The following SPART variants were observed in gnomAD, a reference collection of about 807,000 sequenced individuals.
SPART encodes the protein spastic paraplegia 20 (Troyer syndrome).
Under a neutral mutation model 58.7 loss-of-function variants are expected in SPART, and 35 were observed. The ratio of observed to expected loss-of-function variants is 0.60; its 90% CI spans 0.46 to 0.79. The LOEUF (loss-of-function observed/expected upper bound fraction) is 0.79. SPART is among the 30% of genes least tolerant of loss of function. The pLI, the probability that SPART is intolerant of heterozygous loss-of-function variation, is 0.00. For synonymous variants in SPART, 284 were observed against 280.7 expected (o/e 1.01, Z -0.12); for missense variants, 730 against 786.1 (o/e 0.93, Z 0.85).
At position 36,312,229 on chromosome 13, in the gene SPART, G is replaced by A. The variant is rs773286927; in HGVS notation, c.1649C>T (p.Ser550Leu). Residue 550 changes from serine (S) to leucine (L), a missense_variant, in exon 8 of 9, where the codon TCA (serine) becomes TTA (leucine). Ser to Leu is a moderately radical substitution (Grantham distance 145). Coordinates refer to ENST00000438666, the MANE Select transcript of SPART (RefSeq NM_015087.5). Reference protein sequence around the residue: ...VVAASSVQGFSTVWQGLECAA... With the variant: ...VVAASSVQGFLTVWQGLECAA... ...ACATTCCAATCCTTGCCAGACAGTTGAAAATCCTGTAAAAATAATATTTAA... is the reference window on the plus strand; with the variant it reads ...ACATTCCAATCCTTGCCAGACAGTTAAAAATCCTGTAAAAATAATATTTAA... 1 of 1,614,094 alleles carries A rather than the reference G, an allele frequency of 6.2e-7. No homozygotes were observed. The highest frequency in any genetic ancestry group is 8.5e-7 in the Non-Finnish European group (1 of 1,179,960).
chr13:36,318,899 C>T (rs561675081), intron 5 of SPART, among the ~76,000 whole-genome samples: 5 of 152,248 alleles, frequency 3.3e-5, no homozygotes, highest in Admixed American at 6.5e-5. Context: ...CAGATCTTCT[C>T]GGCTTAGCGG....
chr13:36,363,807 T>C (rs2137727717), intron 1 of SPART, among the ~76,000 whole-genome samples: 1 of 152,234 alleles, frequency 6.6e-6, no homozygotes, highest in South Asian at 2.1e-4. Flanking sequence ...ACTTTTTATT[T>C]TGAGACAAAT....
Position 36,320,514 on chromosome 13 carries a change from C to T in SPART, c.1288+6061G>A, listed in dbSNP as rs532924089. Among the ~76,000 whole-genome samples the T allele has an allele frequency of 7.9e-5, 12 of 152,322 alleles. No homozygotes were observed. The East Asian group carries it at 2.1e-3, about 27-fold the overall frequency. Reference sequence around the variant, plus strand: ...CAAGCCACTAGCCTGCCTCTTAGAACCTCTCATTTCCTTTCCATCGTGGAA... The same window carrying T: ...CAAGCCACTAGCCTGCCTCTTAGAATCTCTCATTTCCTTTCCATCGTGGAA... On this transcript the variant is annotated intron_variant, in intron 5 of 8. Transcript: ENST00000438666.
intron 8 of SPART, among the ~76,000 whole-genome samples, chr13:36,305,576 G>A (rs1182979929): frequency 1.3e-5 from 2 of 151,980 alleles, no homozygotes; most frequent in African/African-American, 4.8e-5. Flanking sequence ...AGTTTTTTGA[G>A]CATCAAATGC....
chr13:36,331,520 G>C lies in SPART; in HGVS notation c.887C>G (p.Pro296Arg). Reference sequence around the variant, plus strand: ...TCCTGCTGCTTGTAGCATTGTATCAGGAAACATGTAGGCTCCCGCAGTACA... The same window carrying C: ...TCCTGCTGCTTGTAGCATTGTATCACGAAACATGTAGGCTCCCGCAGTACA... ...LKCTAGAYMF[P>R]DTMLQAAGCF... Residue 296 changes from proline to arginine, a missense_variant, in exon 3 of 9, where the codon CCT (proline) becomes CGT (arginine). Physicochemically the swap from Pro to Arg is moderately radical, Grantham distance 103. Coordinates refer to ENST00000438666, the MANE Select transcript of SPART (RefSeq NM_015087.5). The C allele has an allele frequency of 1.9e-6, 3 of 1,613,932 alleles. No homozygotes were observed. Among genetic ancestry groups the C allele is most frequent in the Non-Finnish European group, 2.5e-6 (3 of 1,179,982 alleles).
At chr13:36,355,029 GATTCATTC>G (rs1270376703) in intron 1 of SPART, among the ~76,000 whole-genome samples, 1 of 152,136 alleles carries the variant, frequency 6.6e-6, no homozygotes, top group Non-Finnish European at 1.5e-5. Flanking sequence ...GGATTGTATT[GATTCATTC>G]ATTCATTCAA....
intron 3 of SPART, among the ~76,000 whole-genome samples, 180 bp from the exon 4 acceptor site, chr13:36,329,697 A>G (rs1883284066): frequency 6.6e-6 from 1 of 152,216 alleles, no homozygotes; most frequent in Non-Finnish European, 1.5e-5. Context: ...ACCAAACCCC[A>G]AACCTCTGAG....
intron 5 of SPART, among the ~76,000 whole-genome samples, chr13:36,317,161 C>A (rs537680535): frequency 6.6e-6 from 1 of 152,312 alleles, no homozygotes; most frequent in Admixed American, 6.5e-5. Flanking sequence ...TGATTATTCA[C>A]CCACGTTTCA....
rs960146935 is a variant in SPART, at chr13:36,362,637, C to A, written c.-3+7452G>T. 6.6e-5 allele frequency among the ~76,000 whole-genome samples: 10 copies of A among 152,192 alleles called. No homozygotes were observed. In the South Asian group the frequency reaches 2.1e-3, roughly 32 times the overall value. On this transcript the variant is annotated intron_variant, in intron 1 of 8. Transcript: ENST00000355182. ...CCACCTGAGAAGATCTGGACTCATG[C>A]AGATCTTGAGTAGATCTTGAGTAGG...
At chr13:36,307,050 T>G (rs773569241) in intron 8 of SPART, among the ~76,000 whole-genome samples, 1 of 152,214 alleles carries the variant, frequency 6.6e-6, no homozygotes, top group Non-Finnish European at 1.5e-5. Context: ...ATATGTTCTT[T>G]TCTTCATAAA....
At chr13:36,362,382 A>T (rs1885899646) in intron 1 of SPART, among the ~76,000 whole-genome samples, 1 of 147,906 alleles carries the variant, frequency 6.8e-6, no homozygotes, top group Non-Finnish European at 1.5e-5. Flanking sequence ...CATGTTATGG[A>T]AGAAGAAACA....
chr13:36,349,630 A>G (rs1362717356), upstream of SPART, among the ~76,000 whole-genome samples: 1 of 152,236 alleles, frequency 6.6e-6, no homozygotes, highest in Non-Finnish European at 1.5e-5. Flanking sequence ...TCCAAATTCG[A>G]TAATTGTGAA....
rs1238714449 is a variant in SPART at position 36,335,402 on chromosome 13, T to G, written c.429A>C (p.Gly143=). ...CCCCTGCACTTGGAGTTGAGGTGTT[T>G]CCATTTACTTCAGCATGCTGAGGAG... ...SSAPQHAEVN[G]NTSTPSAGAV... Residue 143 remains glycine, a synonymous_variant, in exon 2 of 9, where the codon GGA becomes GGC. Transcript: ENST00000438666. The G allele has an allele frequency of 2.3e-5, 37 of 1,613,948 alleles. No individual in the cohort carries two copies. The Admixed American group carries it at 6.2e-4, about 27-fold the overall frequency.
At chr13:36,365,401 T>A (rs957944655) in intron 1 of SPART, 5 of 329,042 alleles carry the variant, frequency 1.5e-5, no homozygotes, top group African/African-American at 1.1e-4. Context: ...AAAATTGGGA[T>A]ATGTTACTAT....
At chr13:36,329,732 A>C (rs1228418151) in intron 3 of SPART, among the ~76,000 whole-genome samples, 1 of 152,214 alleles carries the variant, frequency 6.6e-6, no homozygotes, top group Non-Finnish European at 1.5e-5. Flanking sequence ...GCATATGCCT[A>C]AGTAAGTTTC....
At chr13:36,314,457 G>C (rs757638217) in intron 5 of SPART, 36 bp from the exon 6 acceptor site, 1 of 1,585,212 alleles carries the variant, frequency 6.3e-7, no homozygotes, top group Admixed American at 1.7e-5. Context: ...CACAATATTA[G>C]GGCTAATTAT....
intron 1 of SPART, chr13:36,369,523 C>T (rs1262547593): frequency 2.0e-5 from 3 of 152,172 alleles, no homozygotes; most frequent in Non-Finnish European, 4.4e-5. Flanking sequence ...TTTGGAGCAT[C>T]TCCAAAGCCA....
intron 1 of SPART, among the ~76,000 whole-genome samples, chr13:36,357,337 C>T (rs1014916819): frequency 6.6e-6 from 1 of 152,156 alleles, no homozygotes; most frequent in Non-Finnish European, 1.5e-5. Flanking sequence ...GCAGATTAGA[C>T]CTGACCAGTC....
At chr13:36,354,087 C>T (rs2137699368) in intron 1 of SPART, among the ~76,000 whole-genome samples, 1 of 152,250 alleles carries the variant, frequency 6.6e-6, no homozygotes, top group Non-Finnish European at 1.5e-5. Flanking sequence ...ATTCTATTCC[C>T]CCCTTTAAAC....
Sources: gnomAD v4.1 joint callset for allele counts (sites outside exome capture counted in the v4.1 genomes callset) on GRCh38, gnomAD v4.1.1 for gene constraint, MANE v1.5 for transcripts, NCBI Gene and HGNC (gene_info 2026-07-23, HGNC 2026-07-21) for gene names.